NUAK2: variants seen among roughly 807,000 people sequenced by gnomAD.
The protein encoded by NUAK2 is NUAK family SNF1-like kinase 2.
In NUAK2, 20 loss-of-function variants were observed where a neutral mutation model predicts 29.8. The observed-to-expected ratio is 0.67, with a 90% CI of 0.47 to 0.98. NUAK2 has a LOEUF of 0.98. Among genes scored for constraint, NUAK2 ranks in the 50% least tolerant of loss-of-function variants. NUAK2 has a pLI of 0.00. For missense variants in NUAK2, 719 were observed against 834.5 expected (o/e 0.86, Z 1.71); for synonymous variants, 331 against 342.6 (o/e 0.97, Z 0.37).
intron 1 of NUAK2, among the ~76,000 whole-genome samples, chr1:205,315,951 G>A (rs1167307428): frequency 6.6e-6 from 1 of 152,078 alleles, no homozygotes; most frequent in Non-Finnish European, 1.5e-5. Context: ...TCACCCAGAG[G>A]CAGGAAGGCC....
intron 1 of NUAK2, among the ~76,000 whole-genome samples, chr1:205,319,996 A>C (rs1432741758): frequency 1.3e-5 from 2 of 152,090 alleles, no homozygotes; most frequent in African/African-American, 4.8e-5. Flanking sequence ...AAACATAATA[A>C]TGCCTAAACC....
intron 4 of NUAK2, among the ~76,000 whole-genome samples, chr1:205,306,680 C>G (rs1216615476): frequency 6.6e-6 from 1 of 152,188 alleles, no homozygotes; most frequent in Non-Finnish European, 1.5e-5. Context: ...GGAGCCCCTG[C>G]TCATTAGATC....
At chr1:205,305,153 A>G in intron 6 of NUAK2, 46 bp downstream of exon 6, 3 of 1,594,638 alleles carry the variant, frequency 1.9e-6, no homozygotes, top group Non-Finnish European at 8.6e-7. Context: ...GGAATGAGTG[A>G]AGGACACCCC....
In NUAK2 at chr1:205,308,408, G is replaced by A. The variant is rs1175013988; in HGVS notation, c.504+173C>T. Among the ~76,000 whole-genome samples, 3 of 151,994 alleles carry A rather than the reference G, an allele frequency of 2.0e-5. No individual in the cohort carries two copies. Among genetic ancestry groups the A allele is most frequent in the Non-Finnish European group, 4.4e-5 (3 of 68,014 alleles). On this transcript the variant is annotated intron_variant, in intron 3 of 6. Coordinates refer to ENST00000367157, the MANE Select transcript of NUAK2 (RefSeq NM_030952.3). This position sits in a 1 kb window ranked among gnomAD's most constrained non-coding sequence, Gnocchi z 4.1. ...AGAAATCACGGGCCCTTCTATCCGC[G>A]GAGAAGGGACTCAAAGTCAGAGACA...
chr1:205,314,098 T>C (rs1404030025), intron 1 of NUAK2, among the ~76,000 whole-genome samples: 4 of 152,224 alleles, frequency 2.6e-5, no homozygotes, highest in African/African-American at 9.6e-5. Flanking sequence ...CCTGCCGGCC[T>C]GTGTTCTCCA....
intron 4 of NUAK2, among the ~76,000 whole-genome samples, chr1:205,306,741 T>C (rs1395426323): frequency 1.3e-5 from 2 of 151,954 alleles, no homozygotes; most frequent in African/African-American, 4.8e-5. Context: ...TGCCCCCACC[T>C]CTCCTGCAGC....
At position 205,306,329 on chromosome 1, in the gene NUAK2, G is replaced by A. The variant is rs185724580; in HGVS notation, c.571-22C>T. ...CAATCTGCAGGATTGAGTCAAACACGGGCACAGGTCATGTCAAGGCCTGGG... is the reference window on the plus strand; with the variant it reads ...CAATCTGCAGGATTGAGTCAAACACAGGCACAGGTCATGTCAAGGCCTGGG... On this transcript the variant is annotated intron_variant, in intron 4 of 6. Coordinates refer to ENST00000367157, the MANE Select transcript of NUAK2 (RefSeq NM_030952.3). 6.1e-4 allele frequency: 975 copies of A among 1,602,738 alleles called. 2 individuals carry two copies. In the African/African-American group the frequency reaches 8.2e-3, roughly 14 times the overall value.
rs896678735 is a variant in NUAK2, at chr1:205,308,370, G to C, written c.505-140C>G. 1.3e-6 allele frequency: 1 copy of C among 783,798 alleles called. No homozygotes were observed. Among genetic ancestry groups the C allele is most frequent in the Non-Finnish European group, 2.1e-6 (1 of 483,038 alleles). 48.6% of individuals were successfully genotyped at this position (783,798 alleles called of 1,614,324 possible). ...TAGGCTGGGAATGCCTATCTTTATCGGTATGTGCTGCAAGAAATCACGGGC... is the reference window on the plus strand; with the variant it reads ...TAGGCTGGGAATGCCTATCTTTATCCGTATGTGCTGCAAGAAATCACGGGC... On this transcript the variant is annotated intron_variant, in intron 3 of 6. Coordinates refer to ENST00000367157, the MANE Select transcript of NUAK2 (RefSeq NM_030952.3). The surrounding 1 kb of genome is among the most constrained non-coding windows in gnomAD (Gnocchi z 4.1).
chr1:205,321,712 C>T lies in NUAK2; in HGVS notation c.-84G>A, dbSNP rs2102263936. 4.4e-6 allele frequency: 5 copies of T among 1,128,774 alleles called. No homozygotes were observed. The highest frequency in any genetic ancestry group is 2.0e-4 in the Middle Eastern group (1 of 5,022). The allele number at this position is 1,128,774 out of a possible 1,614,324, so 69.9% of individuals were successfully genotyped here. A position where few individuals can be genotyped will look rare whatever the true frequency, so the allele number is the denominator to read the frequency against. ...GAAGCGCGGGGCACAGGTCCCGCAC[C>T]AGGACGGGGAGCCACAGCAGTACCA... On this transcript the variant is annotated 5_prime_UTR_variant, in exon 1 of 7. Transcript: ENST00000367157.
Position 205,308,940 on chromosome 1 carries a change from C to T in NUAK2, c.353-208G>A, listed in dbSNP as rs1662220177. On this transcript the variant is annotated intron_variant, in intron 2 of 6. Transcript: ENST00000367157. The surrounding 1 kb of genome is among the most constrained non-coding windows in gnomAD (Gnocchi z 4.1). ...TCTTCCAGGAGCCATGAGTTAAGGC[C>T]AAAGACACTGGCTCATCCTCTGCCT... is the stretch of plus-strand genomic sequence containing the variant. Among the ~76,000 whole-genome samples the T allele has an allele frequency of 6.6e-6, 1 of 152,028 alleles. No individual in the cohort carries two copies. Among genetic ancestry groups the T allele is most frequent in the South Asian group, 2.1e-4 (1 of 4,816 alleles).
chr1:205,310,294 T>A (rs1254625616), intron 2 of NUAK2, among the ~76,000 whole-genome samples: 1 of 152,216 alleles, frequency 6.6e-6, no homozygotes, highest in Non-Finnish European at 1.5e-5. Flanking sequence ...CAAGGGTGCA[T>A]GCAGCCTTTG....
At chr1:205,315,424 G>A (rs1662312804) in intron 1 of NUAK2, among the ~76,000 whole-genome samples, 1 of 152,242 alleles carries the variant, frequency 6.6e-6, no homozygotes, top group South Asian at 2.1e-4. Flanking sequence ...TCACTGGGCT[G>A]ATGACCTTTG....
Position 205,303,815 on chromosome 1 carries a change from A to G in NUAK2, c.1522T>C (p.Phe508Leu). The change falls in exon 7 of 7, where the codon TTC becomes CTC. Residue 508 changes from phenylalanine to leucine, a missense_variant. Phe to Leu is a conservative substitution (Grantham distance 22, BLOSUM62 0). This residue lies in a region of NUAK2 where 430 missense variants were observed against 465.7 expected (regional missense o/e 0.92). Transcript: ENST00000367157. ...RKGILKLNGK[F>L]SQTALELAAP... ...GCGAGCTCCAAGGCTGTCTGGGAGAACTTGCCATTGAGTTTGAGGATGCCT... is the reference window on the plus strand; with the variant it reads ...GCGAGCTCCAAGGCTGTCTGGGAGAGCTTGCCATTGAGTTTGAGGATGCCT... 8.8e-6 allele frequency: 14 copies of G among 1,595,596 alleles called. No individual in the cohort carries two copies. Among genetic ancestry groups the G allele is most frequent in the Non-Finnish European group, 1.2e-5 (14 of 1,170,268 alleles).
At chr1:205,309,038 T>C (rs1662221166) in intron 2 of NUAK2, among the ~76,000 whole-genome samples, 1 of 150,972 alleles carries the variant, frequency 6.6e-6, no homozygotes, top group African/African-American at 2.4e-5. Flanking sequence ...CGTCACTAGA[T>C]GGGAATGAAA....
Position 205,308,024 on chromosome 1 carries a change from G to A in NUAK2, c.570+141C>T, listed in dbSNP as rs1182038391. On this transcript the variant is annotated intron_variant, in intron 4 of 6. Coordinates refer to ENST00000367157, the MANE Select transcript of NUAK2 (RefSeq NM_030952.3). The surrounding 1 kb of genome is among the most constrained non-coding windows in gnomAD (Gnocchi z 4.1). ...AGGTGTTGGAATGGATGATGGCTGA[G>A]GTCCCTACCAGTACCAATGAAGGTC... The A allele has an allele frequency of 1.3e-5, 8 of 622,004 alleles. No homozygotes were observed. In the East Asian group the frequency reaches 2.4e-4, roughly 19 times the overall value. 38.5% of individuals were successfully genotyped at this position (622,004 alleles called of 1,614,324 possible).
intron 4 of NUAK2, among the ~76,000 whole-genome samples, chr1:205,307,837 C>T (rs1404073807): frequency 1.3e-5 from 2 of 152,224 alleles, no homozygotes; most frequent in Non-Finnish European, 2.9e-5. Flanking sequence ...TGTAGCAAAC[C>T]TGACCTTAGA....
rs2102647344 is a variant in NUAK2, at chr1:205,308,161, T to A, written c.570+4A>T. On this transcript the variant is annotated splice_donor_region_variant and intron_variant, in intron 4 of 6. Coordinates refer to ENST00000367157, the MANE Select transcript of NUAK2 (RefSeq NM_030952.3). This position sits in a 1 kb window ranked among gnomAD's most constrained non-coding sequence, Gnocchi z 4.1. ...GGCTTCTAGAAATAAGAAGTGGGAC[T>A]CACCTTGATATTCCCATTGGCATCC... The A allele has an allele frequency of 1.3e-6, 2 of 1,596,486 alleles. No individual in the cohort carries two copies. The highest frequency in any genetic ancestry group is 4.5e-5 in the East Asian group (2 of 44,172).
chr1:205,317,481 G>C (rs1662345165), intron 1 of NUAK2, among the ~76,000 whole-genome samples: 1 of 152,196 alleles, frequency 6.6e-6, no homozygotes, highest in Non-Finnish European at 1.5e-5. Flanking sequence ...GGGCCTAGGG[G>C]TGGCTCGCCA....
At chr1:205,320,248 G>T (rs56065370) in intron 1 of NUAK2, among the ~76,000 whole-genome samples, 45,644 of 151,320 alleles carry the variant, frequency 0.3, 7,381 homozygotes, top group African/African-American at 0.4. Flanking sequence ...TTCTTTTTTT[G>T]TTTGTTTCGT....
Sources: allele counts gnomAD v4.1 joint callset (sites outside exome capture counted in the v4.1 genomes callset), GRCh38; gene constraint gnomAD v4.1.1; regional missense constraint gnomAD v4.1.1; non-coding constraint Gnocchi (gnomAD v3.1); transcripts MANE v1.5; gene names NCBI Gene and HGNC (gene_info 2026-07-23, HGNC 2026-07-21).